PTPRD: variants seen among roughly 807,000 people sequenced by gnomAD.
PTPRD encodes the protein receptor-type tyrosine-protein phosphatase delta.
Under a neutral mutation model 214.5 loss-of-function variants are expected in PTPRD, and 34 were observed. The ratio of observed to expected loss-of-function variants is 0.16; its 90% confidence interval spans 0.12 to 0.21. PTPRD has a LOEUF of 0.21. PTPRD is among the 10% of genes least tolerant of loss of function. The probability of loss-of-function intolerance (pLI) is 1.00; values close to 1 mark genes in which losing one functional copy is unlikely to be tolerated. For missense variants in PTPRD, 2,545 were observed against 2,398.7 expected (o/e 1.06, Z -1.27); for synonymous variants, 1,128 against 845.7 (o/e 1.33, Z -5.79).
chr9:9,242,179 C>G (rs1180630955), intron 9 of PTPRD, among the ~76,000 whole-genome samples: 2 of 152,208 alleles, frequency 1.3e-5, no homozygotes, highest in African/African-American at 4.8e-5. Context: ...GGTACCCACT[C>G]TCTTCTGGCT....
chr9:10,547,609 A>C (rs554233761), intron 2 of PTPRD, among the ~76,000 whole-genome samples: 1 of 152,006 alleles, frequency 6.6e-6, no homozygotes, highest in Admixed American at 6.6e-5. Context: ...TATATGCTTC[A>C]TTCTAGTGTC....
intron 11 of PTPRD, among the ~76,000 whole-genome samples, chr9:8,966,233 C>G (rs1048923474): frequency 6.6e-6 from 1 of 151,958 alleles, no homozygotes; most frequent in East Asian, 1.9e-4. Flanking sequence ...TCATTTTTCA[C>G]ATAATTGGAA....
intron 7 of PTPRD, among the ~76,000 whole-genome samples, chr9:9,732,666 G>C (rs1367243511): frequency 2.0e-5 from 3 of 152,174 alleles, no homozygotes; most frequent in Non-Finnish European, 4.4e-5. Flanking sequence ...AAATACCCCA[G>C]TTCCTCAAGA....
At chr9:8,930,523 G>A (rs11506745) in intron 11 of PTPRD, among the ~76,000 whole-genome samples, 4 of 151,754 alleles carry the variant, frequency 2.6e-5, no homozygotes, top group South Asian at 2.1e-4. Flanking sequence ...TCTAGATCCC[G>A]GAGGAATCGC....
intron 7 of PTPRD, among the ~76,000 whole-genome samples, chr9:9,601,027 A>T (rs2093705473): frequency 6.6e-6 from 1 of 152,040 alleles, no homozygotes; most frequent in Middle Eastern, 3.4e-3. Context: ...CAGGAAGAAC[A>T]CAATGCTGAC....
intron 7 of PTPRD, among the ~76,000 whole-genome samples, chr9:9,719,986 C>T (rs1345410497): frequency 3.3e-5 from 5 of 152,146 alleles, no homozygotes; most frequent in African/African-American, 1.2e-4. Flanking sequence ...TTTACACACC[C>T]TTGCCACTCC....
chr9:9,909,738 C>G (rs1416566363), intron 5 of PTPRD, among the ~76,000 whole-genome samples: 2 of 151,562 alleles, frequency 1.3e-5, no homozygotes, highest in Non-Finnish European at 2.9e-5. Context: ...CTTCAACATA[C>G]AGACATGTGA....
At chr9:8,339,210 A>G (rs1849965791) in intron 42 of PTPRD, among the ~76,000 whole-genome samples, 163 bp from the exon 43 acceptor site, 1 of 152,154 alleles carries the variant, frequency 6.6e-6, no homozygotes, top group Non-Finnish European at 1.5e-5. Context: ...CTTAGAAACC[A>G]TGAGCTCCCT....
At chr9:9,782,542 G>A (rs1176017050) in intron 5 of PTPRD, among the ~76,000 whole-genome samples, 8 of 152,154 alleles carry the variant, frequency 5.3e-5, no homozygotes, top group Non-Finnish European at 1.0e-4. Context: ...CCTAGGTTGT[G>A]ATAAATTAAG....
At chr9:8,390,823 G>C (rs1250950084) in intron 36 of PTPRD, among the ~76,000 whole-genome samples, 1 of 152,152 alleles carries the variant, frequency 6.6e-6, no homozygotes, top group Non-Finnish European at 1.5e-5. Context: ...GCCTAGCAAA[G>C]GAAATGGTAG....
At chr9:8,722,022 G>A (rs939329477) in intron 12 of PTPRD, among the ~76,000 whole-genome samples, 1 of 152,150 alleles carries the variant, frequency 6.6e-6, no homozygotes, top group African/African-American at 2.4e-5. Flanking sequence ...GTCACAACTG[G>A]ACTGTAAGCT....
intron 8 of PTPRD, among the ~76,000 whole-genome samples, chr9:9,493,787 C>CAAAAAAAAAAA (rs750252052): frequency 2.2e-4 from 12 of 54,418 alleles, no homozygotes; most frequent in East Asian, 6.0e-4. Context: ...GACTCCGTCT[C>CAAAAAAAAAAA]AAAAAAAAAA....
chr9:9,605,626 T>C (rs2094104654), intron 7 of PTPRD, among the ~76,000 whole-genome samples: 1 of 151,898 alleles, frequency 6.6e-6, no homozygotes, highest in Admixed American at 6.6e-5. Flanking sequence ...ATAACAAAAT[T>C]TGTGTTTTAG....
rs75860819 is a variant in PTPRD, at chr9:8,980,029, C to A, written c.-104+38668G>T. 6.6e-4 allele frequency among the ~76,000 whole-genome samples: 100 copies of A among 152,146 alleles called. No individual in the cohort carries two copies. In the East Asian group the frequency reaches 0.013, roughly 20 times the overall value. On this transcript the variant is annotated intron_variant, in intron 11 of 45. Coordinates refer to ENST00000381196, the MANE Select transcript of PTPRD (RefSeq NM_002839.4). ...GTGTACACACACACACACATACACACTGGAATATTATTCAGCCTCAAAAAA... is the reference window on the plus strand; with the variant it reads ...GTGTACACACACACACACATACACAATGGAATATTATTCAGCCTCAAAAAA...
intron 2 of PTPRD, among the ~76,000 whole-genome samples, chr9:10,517,460 A>AT (rs201715329): frequency 0.013 from 2,016 of 152,046 alleles, 18 homozygotes; most frequent in Non-Finnish European, 0.021. Flanking sequence ...TTCTAGAAGT[A>AT]TTTTTTGTGG....
intron 2 of PTPRD, among the ~76,000 whole-genome samples, chr9:10,495,802 A>G (rs992640798): frequency 6.6e-6 from 1 of 151,836 alleles, no homozygotes; most frequent in South Asian, 2.1e-4. Context: ...ATTTAAATGT[A>G]AAAAATTATT....
chr9:8,614,790 T>C (rs2095557165), intron 14 of PTPRD, among the ~76,000 whole-genome samples: 1 of 152,138 alleles, frequency 6.6e-6, no homozygotes, highest in Admixed American at 6.6e-5. Context: ...CAAGTATCTG[T>C]TAGCCAAAGT....
At chr9:9,920,482 T>C (rs1028048455) in intron 5 of PTPRD, among the ~76,000 whole-genome samples, 2 of 152,144 alleles carry the variant, frequency 1.3e-5, no homozygotes, top group African/African-American at 4.8e-5. Context: ...AGAACATTAT[T>C]ATAAAAATAA....
chr9:8,725,558 C>T (rs372616761), intron 12 of PTPRD, among the ~76,000 whole-genome samples: 1 of 152,028 alleles, frequency 6.6e-6, no homozygotes, highest in South Asian at 2.1e-4. Flanking sequence ...TATATGCCAA[C>T]AGAGATCTAA....
Sources: gnomAD v4.1 joint callset for allele counts (sites outside exome capture counted in the v4.1 genomes callset) on GRCh38, gnomAD v4.1.1 for gene constraint, MANE v1.5 for transcripts, NCBI Gene and HGNC (gene_info 2026-07-23, HGNC 2026-07-21) for gene names.